Variants in RBMS1 observed in about 807,000 individuals in gnomAD.
RBMS1 encodes RNA-binding motif, single-stranded-interacting protein 1.
Under a neutral mutation model 62.3 loss-of-function variants are expected in RBMS1, and 17 were observed. That is an observed-to-expected ratio of 0.27 (90% confidence interval 0.19 to 0.41). The LOEUF (loss-of-function observed/expected upper bound fraction) is 0.41, where lower values mean the gene tolerates loss of function less well. Among genes scored for constraint, RBMS1 ranks in the 10% least tolerant of loss-of-function variants. The probability of loss-of-function intolerance (pLI) is 1.00; values close to 1 mark genes in which losing one functional copy is unlikely to be tolerated. For missense variants in RBMS1, 334 were observed against 504.5 expected (o/e 0.66, Z 3.24); for synonymous variants, 172 against 170.0 (o/e 1.01, Z -0.09).
chr2:160,436,106 T>C (rs1197100918), intron 1 of RBMS1, among the ~76,000 whole-genome samples: 3 of 152,234 alleles, frequency 2.0e-5, no homozygotes, highest in African/African-American at 7.2e-5. Flanking sequence ...CTGTGATAGA[T>C]AATCTCCAAT....
At chr2:160,470,634 G>GTCTATTTC (rs77602301) in intron 1 of RBMS1, among the ~76,000 whole-genome samples, 42,764 of 151,546 alleles carry the variant, frequency 0.28, 6,604 homozygotes, top group East Asian at 0.59. Flanking sequence ...CAGAAATTAG[G>GTCTATTTC]TCTATTTCTC....
chr2:160,289,490 T>A (rs1286108445), intron 6 of RBMS1, among the ~76,000 whole-genome samples: 1 of 152,246 alleles, frequency 6.6e-6, no homozygotes, highest in Non-Finnish European at 1.5e-5. Flanking sequence ...TATAAAATTC[T>A]AACAGCTTTC....
chr2:160,431,886 T>C (rs1046629525), intron 1 of RBMS1, among the ~76,000 whole-genome samples: 2 of 152,142 alleles, frequency 1.3e-5, no homozygotes, highest in African/African-American at 4.8e-5. Context: ...AACCCTCATA[T>C]AGCATACTGT....
chr2:160,398,337 G>A (rs1368994414), intron 1 of RBMS1, among the ~76,000 whole-genome samples: 2 of 152,108 alleles, frequency 1.3e-5, no homozygotes, highest in East Asian at 1.9e-4. Context: ...TATGAATGAC[G>A]TATATTACCA....
At chr2:160,385,630 C>A (rs768331366) in intron 1 of RBMS1, among the ~76,000 whole-genome samples, 5 of 152,126 alleles carry the variant, frequency 3.3e-5, no homozygotes, top group Admixed American at 3.3e-4. Flanking sequence ...CAGGATGTGA[C>A]GTGATGAAAT....
intron 1 of RBMS1, among the ~76,000 whole-genome samples, chr2:160,386,252 C>T (rs2105199994): frequency 6.6e-6 from 1 of 152,266 alleles, no homozygotes; most frequent in African/African-American, 2.4e-5. Context: ...GAAGGTGGGG[C>T]CTTGGCCAGG....
chr2:160,384,876 G>T (rs1279011782), intron 1 of RBMS1, among the ~76,000 whole-genome samples: 1 of 152,200 alleles, frequency 6.6e-6, no homozygotes, highest in Non-Finnish European at 1.5e-5. Context: ...GGGACCTGGT[G>T]GGGGGTTTGA....
At chr2:160,408,803 C>G (rs1250017626) in intron 1 of RBMS1, among the ~76,000 whole-genome samples, 1 of 152,210 alleles carries the variant, frequency 6.6e-6, no homozygotes, top group Non-Finnish European at 1.5e-5. Flanking sequence ...CAGAAGGCCT[C>G]CACAGCAGCC....
At chr2:160,396,658 C>T (rs1695158387) in intron 1 of RBMS1, among the ~76,000 whole-genome samples, 1 of 147,162 alleles carries the variant, frequency 6.8e-6, no homozygotes, top group South Asian at 2.2e-4. Context: ...CTCCGCCTCC[C>T]GGGTTCAAGC....
intron 1 of RBMS1, among the ~76,000 whole-genome samples, chr2:160,436,874 C>A (rs1177871945): frequency 1.3e-5 from 2 of 152,122 alleles, no homozygotes; most frequent in Non-Finnish European, 2.9e-5. Context: ...GAATAATGGG[C>A]TCCTGGAAAA....
chr2:160,289,686 GA>G (rs1423830252), intron 6 of RBMS1, among the ~76,000 whole-genome samples: 1 of 152,110 alleles, frequency 6.6e-6, no homozygotes, highest in Admixed American at 6.5e-5. Flanking sequence ...GTCATTTATG[GA>G]ACAGAGCATT....
chr2:160,343,109 G>A (rs1298500231), intron 2 of RBMS1, among the ~76,000 whole-genome samples: 1 of 152,130 alleles, frequency 6.6e-6, no homozygotes, highest in African/African-American at 2.4e-5. Flanking sequence ...GAAGACCACT[G>A]CCAGCTGGGC....
intron 2 of RBMS1, among the ~76,000 whole-genome samples, chr2:160,351,374 GA>G (rs1385914035): frequency 6.6e-6 from 1 of 151,790 alleles, no homozygotes; most frequent in Non-Finnish European, 1.5e-5. Context: ...TACCTCACAG[GA>G]GGTTTAAAAG....
At chr2:160,384,774 AC>A (rs1425054635) in intron 1 of RBMS1, among the ~76,000 whole-genome samples, 2 of 152,204 alleles carry the variant, frequency 1.3e-5, no homozygotes, top group Admixed American at 1.3e-4. Context: ...ACTGCTACCT[AC>A]ACTTGAGTCC....
chr2:160,313,784 T>C (rs777035642), intron 3 of RBMS1, among the ~76,000 whole-genome samples: 1 of 152,160 alleles, frequency 6.6e-6, no homozygotes, highest in East Asian at 1.9e-4. Flanking sequence ...CAGTTAAAGA[T>C]ATCATATTTA....
At chr2:160,311,111 T>C (rs1026325428) in intron 4 of RBMS1, among the ~76,000 whole-genome samples, 12 of 151,370 alleles carry the variant, frequency 7.9e-5, no homozygotes, top group African/African-American at 2.9e-4. Context: ...GGAGAATCGC[T>C]TGAACCTGGA....
intron 1 of RBMS1, among the ~76,000 whole-genome samples, chr2:160,374,278 C>CAAA (rs1164536732): frequency 1.3e-4 from 20 of 152,102 alleles, no homozygotes; most frequent in Non-Finnish European, 2.6e-4. Flanking sequence ...AACAAACAAA[C>CAAA]AAAAACAATA....
chr2:160,373,601 T>C (rs1037825962), intron 1 of RBMS1, among the ~76,000 whole-genome samples: 2 of 152,180 alleles, frequency 1.3e-5, no homozygotes, highest in Non-Finnish European at 2.9e-5. Flanking sequence ...ATTTGTTCCA[T>C]CTAGTTTTTG....
rs189444128 is a variant in RBMS1, at chr2:160,314,218, C to T, written c.311-971G>A. Among the ~76,000 whole-genome samples, 159 of 152,186 alleles carry T rather than the reference C, an allele frequency of 1.0e-3. 1 individual carries two copies. Among genetic ancestry groups the T allele is most frequent in the Middle Eastern group, 0.01 (3 of 294 alleles). On this transcript the variant is annotated intron_variant, in intron 3 of 13. Coordinates refer to ENST00000348849, the MANE Select transcript of RBMS1 (RefSeq NM_016836.4). ...TCTCAACAGATCCCATGAGTATCAC[C>T]GTATCAAAATAGAGAATCACAGACT...
Sources: gnomAD v4.1 joint callset for allele counts (sites outside exome capture counted in the v4.1 genomes callset) on GRCh38, gnomAD v4.1.1 for gene constraint, MANE v1.5 for transcripts, NCBI Gene and HGNC (gene_info 2026-07-23, HGNC 2026-07-21) for gene names.